Variants in UVSSA observed in about 807,000 individuals in gnomAD.
The protein encoded by UVSSA is UV stimulated scaffold protein A.
A neutral mutation model predicts 73.9 loss-of-function variants in UVSSA; 72 were observed. The ratio of observed to expected loss-of-function variants is 0.97; its 90% CI spans 0.81 to 1.19. UVSSA has a LOEUF of 1.19. UVSSA is among the 50% of genes most tolerant of loss of function. UVSSA has a pLI of 0.00. For missense variants in UVSSA, 1,150 were observed against 965.0 expected (o/e 1.19, Z -2.54); for synonymous variants, 454 against 391.3 (o/e 1.16, Z -1.89).
At chr4:1,378,456 CG>C (rs1719041831) in intron 10 of UVSSA, among the ~76,000 whole-genome samples, 2 of 152,114 alleles carry the variant, frequency 1.3e-5, no homozygotes, top group Admixed American at 1.3e-4. Flanking sequence ...GAGACTGAGG[CG>C]GGAGAATCGC....
chr4:1,388,970 C>T (rs546455737), downstream of UVSSA: 1 of 152,126 alleles, frequency 6.6e-6, no homozygotes, highest in African/African-American at 2.4e-5. Flanking sequence ...TGTTCCCTCC[C>T]CTCCTATTTT....
At chr4:1,395,537 C>T (rs765762425) in exon 14 of UVSSA, 8 of 1,600,270 alleles carry the variant, frequency 5.0e-6, no homozygotes, top group Admixed American at 1.7e-5. Context: ...GAGTGCCCGC[C>T]TGCTCACACG....
chr4:1,381,686 C>CTT lies in UVSSA; in HGVS notation c.1861+716_1861+717dup, dbSNP rs1318393473. Among the ~76,000 whole-genome samples, 70 of 131,742 alleles carry CTT rather than the reference C, an allele frequency of 5.3e-4. 1 individual carries two copies. Among genetic ancestry groups the CTT allele is most frequent in the Middle Eastern group, 4.0e-3 (1 of 252 alleles). The allele number at this position is 131,742 out of a possible 152,430, so 86.4% of individuals were successfully genotyped here. The stretch of plus-strand genomic sequence containing the variant: ...CTCTCTTCTTTTTACTTTGATTTGG[C>CTT]TTTTTTTTTTTTTTTTTTTGAAGCA... On this transcript the variant is annotated intron_variant, in intron 12 of 13. Transcript: ENST00000389851.
chr4:1,371,743 G>A (rs1283127523), intron 8 of UVSSA, among the ~76,000 whole-genome samples: 1 of 152,154 alleles, frequency 6.6e-6, no homozygotes, highest in Non-Finnish European at 1.5e-5. Context: ...GACAGCACGG[G>A]GAAGACCCAC....
At chr4:1,383,717 C>T (rs1719765488) in intron 12 of UVSSA, 49 bp from the exon 13 acceptor site, 1 of 1,608,210 alleles carries the variant, frequency 6.2e-7, no homozygotes, top group Non-Finnish European at 8.5e-7. Context: ...GGGTAAGAGG[C>T]TCTGGTCAGT....
rs796885641 is a variant in UVSSA at position 1,379,764 on chromosome 4, G to A, written c.1569-283G>A. Among the ~76,000 whole-genome samples, 540 of 142,256 alleles carry A rather than the reference G, an allele frequency of 3.8e-3. 41 individuals carry two copies. The highest frequency in any genetic ancestry group is 0.014 in the African/African-American group (512 of 36,758). 93.3% of individuals were successfully genotyped at this position (142,256 alleles called of 152,430 possible). On this transcript the variant is annotated intron_variant, in intron 10 of 13. Transcript: ENST00000389851. ...TGGTCGCGCGGCTGGTTCACGTGGC[G>A]TCAGAATTCAGACGCAGGCGGTCGT...
At chr4:1,363,634 C>T (rs1214990379) in intron 7 of UVSSA, among the ~76,000 whole-genome samples, 1 of 152,228 alleles carries the variant, frequency 6.6e-6, no homozygotes, top group Non-Finnish European at 1.5e-5. Flanking sequence ...TTGGGCTGCT[C>T]TCCACCTTTC....
At chr4:1,361,852 AT>A (rs59450439) in intron 7 of UVSSA, among the ~76,000 whole-genome samples, 3,656 of 142,694 alleles carry the variant, frequency 0.026, 51 homozygotes, top group African/African-American at 0.048. Flanking sequence ...GCCTTACATC[AT>A]TTTTTTTTTT....
At position 1,372,811 on chromosome 4, in the gene UVSSA, T is replaced by A. The variant is rs796580293; in HGVS notation, c.1289-2553T>A. On this transcript the variant is annotated intron_variant, in intron 8 of 13. Coordinates refer to ENST00000389851, the MANE Select transcript of UVSSA (RefSeq NM_020894.4). Reference sequence around the variant, plus strand: ...CGCGTCCCTGCACTCACCTCCCGCGTCTCAGGGCACTCACCTCCCGCGTCT... The same window carrying A: ...CGCGTCCCTGCACTCACCTCCCGCGACTCAGGGCACTCACCTCCCGCGTCT... Among the ~76,000 whole-genome samples the A allele has an allele frequency of 6.0e-3, 290 of 48,120 alleles. 20 individuals are homozygous for A. Among genetic ancestry groups the A allele is most frequent in the African/African-American group, 0.014 (145 of 10,006 alleles). The allele number at this position is 48,120 out of a possible 152,430, so 31.6% of individuals were successfully genotyped here.
chr4:1,381,081 C>G, intron 12 of UVSSA, 93 bp downstream of exon 12: 1 of 1,188,416 alleles, frequency 8.4e-7, no homozygotes, highest in Non-Finnish European at 1.2e-6. Flanking sequence ...CACAGAGCAC[C>G]CGCTCTGCCA....
At chr4:1,367,020 C>T (rs947505991) in intron 8 of UVSSA, among the ~76,000 whole-genome samples, 3 of 152,188 alleles carry the variant, frequency 2.0e-5, no homozygotes, top group African/African-American at 7.2e-5. Context: ...CTTCCAGGCT[C>T]CCATCCCCGC....
At chr4:1,376,953 C>T (rs954365650) in intron 10 of UVSSA, among the ~76,000 whole-genome samples, 7 of 152,332 alleles carry the variant, frequency 4.6e-5, no homozygotes, top group East Asian at 1.9e-4. Context: ...TGCCAGTCCC[C>T]GCCATCAAGA....
At chr4:1,368,419 C>G (rs1295126406) in intron 8 of UVSSA, among the ~76,000 whole-genome samples, 1 of 152,244 alleles carries the variant, frequency 6.6e-6, no homozygotes, top group East Asian at 1.9e-4. Context: ...TGACTTTCCC[C>G]AAAGAACAGA....
rs35061485 is a variant in UVSSA at position 1,395,583 on chromosome 4, C to T, written c.*9622C>T. On this transcript the variant is annotated 3_prime_UTR_variant, in exon 14 of 14. Coordinates refer to the UVSSA transcript ENST00000511216. Reference sequence around the variant, plus strand: ...GAGTGCCCGCCTGCTCACACGTGCCCATGTGGAGTGCCCGCCTGCTCACAC... The same window carrying T: ...GAGTGCCCGCCTGCTCACACGTGCCTATGTGGAGTGCCCGCCTGCTCACAC... 2,009 of 1,588,620 alleles carry T rather than the reference C, an allele frequency of 1.3e-3. 3 individuals are homozygous for T. The highest frequency in any genetic ancestry group is 1.8e-3 in the South Asian group (166 of 89,820).
At chr4:1,345,897 G>C (rs533028079), upstream of UVSSA, among the ~76,000 whole-genome samples, 3 of 152,270 alleles carry the variant, frequency 2.0e-5, no homozygotes, top group South Asian at 6.2e-4. Context: ...CGCTGTAGAA[G>C]ACAGAGGGAA....
At chr4:1,365,994 C>T (rs1003186706) in intron 7 of UVSSA, 20 of 192,954 alleles carry the variant, frequency 1.0e-4, no homozygotes, top group African/African-American at 4.5e-4. Context: ...GGGGCACCGC[C>T]GCCCTCGCAC....
At chr4:1,366,998 AC>A (rs1717416043) in intron 8 of UVSSA, among the ~76,000 whole-genome samples, 1 of 152,088 alleles carries the variant, frequency 6.6e-6, no homozygotes, top group South Asian at 2.1e-4. Flanking sequence ...GGGAGGGGCC[AC>A]CACCCCGCGC....
At chr4:1,359,494 A>G (rs556816890) in intron 7 of UVSSA, 1 of 152,316 alleles carries the variant, frequency 6.6e-6, no homozygotes, top group South Asian at 2.1e-4. Context: ...CAAAATATTA[A>G]TTTCCTATCA....
Position 1,385,966 on chromosome 4 carries a change from C to A in UVSSA, c.*5C>A. On this transcript the variant is annotated 3_prime_UTR_variant, in exon 14 of 14. Coordinates refer to ENST00000389851, the MANE Select transcript of UVSSA (RefSeq NM_020894.4). ...TTTAACTACGCACTGAACTAGAGAG[C>A]GGGGCCCAGTGCACTGGCCATCAGC... The A allele has an allele frequency of 6.2e-7, 1 of 1,613,832 alleles. No homozygotes were observed. Among genetic ancestry groups the A allele is most frequent in the Non-Finnish European group, 8.5e-7 (1 of 1,179,938 alleles).
Sources: allele counts gnomAD v4.1 joint callset (sites outside exome capture counted in the v4.1 genomes callset), GRCh38; gene constraint gnomAD v4.1.1; transcripts MANE v1.5; gene names NCBI Gene and HGNC (gene_info 2026-07-23, HGNC 2026-07-21).